Variants in UBE2N observed in about 807,000 individuals in gnomAD.
The protein encoded by UBE2N is ubiquitin-conjugating enzyme E2 N.
For synonymous variants in UBE2N, 70 were observed against 69.2 expected (o/e 1.01, Z -0.06); for missense variants, 60 against 192.1 (o/e 0.31, Z 4.07).
At chr12:93,420,624 C>T (rs1009866192) in intron 1 of UBE2N, among the ~76,000 whole-genome samples, 1 of 152,042 alleles carries the variant, frequency 6.6e-6, no homozygotes, top group Non-Finnish European at 1.5e-5. Context: ...GCTTGGTGAA[C>T]GAACATCTGC....
chr12:93,441,517 G>A (rs1315133331), intron 1 of UBE2N, among the ~76,000 whole-genome samples: 1 of 151,584 alleles, frequency 6.6e-6, no homozygotes, highest in East Asian at 1.9e-4. Context: ...GCGGGGGGGT[G>A]GTCTCAGAAG....
chr12:93,418,714 A>T (rs1187472346), intron 1 of UBE2N, among the ~76,000 whole-genome samples: 3 of 152,140 alleles, frequency 2.0e-5, no homozygotes, highest in Non-Finnish European at 4.4e-5. Context: ...GTATTTAAAA[A>T]TTTTCTAGTA....
At position 93,418,396 on chromosome 12, in the gene UBE2N, T is replaced by C. The variant is rs546543826; in HGVS notation, c.31-7097A>G. Among the ~76,000 whole-genome samples the C allele has an allele frequency of 3.9e-5, 6 of 152,130 alleles. No individual in the cohort carries two copies. In the East Asian group the frequency reaches 1.2e-3, roughly 29 times the overall value. On this transcript the variant is annotated intron_variant, in intron 1 of 3. Coordinates refer to ENST00000318066, the MANE Select transcript of UBE2N (RefSeq NM_003348.4). ...AAACAAAACAAAACAAAAAGTTAAT[T>C]ATCATCAATGGACATTTTCAAGTGC...
At chr12:93,410,924 A>G in intron 2 of UBE2N, 50 bp from the exon 3 acceptor site, 1 of 1,614,082 alleles carries the variant, frequency 6.2e-7, no homozygotes, top group Non-Finnish European at 8.5e-7. Flanking sequence ...AAACAGGCCC[A>G]GAACTGCTTC....
chr12:93,410,466 TA>T, intron 3 of UBE2N: 1 of 558,244 alleles, frequency 1.8e-6, no homozygotes, highest in Non-Finnish European at 3.1e-6. Context: ...TCTTTACATA[TA>T]ACTAGATAAA....
At chr12:93,440,481 G>A (rs1425386464) in intron 1 of UBE2N, among the ~76,000 whole-genome samples, 1 of 152,134 alleles carries the variant, frequency 6.6e-6, no homozygotes, top group African/African-American at 2.4e-5. Flanking sequence ...CTCTACATCA[G>A]CACCCTTAGG....
At chr12:93,413,026 C>T (rs905601782) in intron 1 of UBE2N, among the ~76,000 whole-genome samples, 1 of 152,170 alleles carries the variant, frequency 6.6e-6, no homozygotes, top group South Asian at 2.1e-4. Context: ...GAAGAGGAAC[C>T]TCTACTTTGC....
At chr12:93,428,316 G>A (rs1419477068) in intron 1 of UBE2N, among the ~76,000 whole-genome samples, 1 of 152,168 alleles carries the variant, frequency 6.6e-6, no homozygotes, top group Non-Finnish European at 1.5e-5. Flanking sequence ...AAGTATCTGT[G>A]ATCCAAGCAT....
At position 93,406,467 on chromosome 12, in the gene UBE2N, T is replaced by A. The variant is rs775876619; in HGVS notation, c.*3572A>T. 7.2e-5 allele frequency: 11 copies of A among 152,058 alleles called. No homozygotes were observed. Among genetic ancestry groups the A allele is most frequent in the Non-Finnish European group, 1.5e-4 (10 of 68,012 alleles). The allele number at this position is 152,058 out of a possible 1,614,324, so 9.4% of individuals were successfully genotyped here. ...AGCACCTGTGACTTTTATCTGTTGG[T>A]TTGTATTTAATCTTATTTTTAAGTG... On this transcript the variant is annotated 3_prime_UTR_variant, in exon 4 of 4. Coordinates refer to ENST00000318066, the MANE Select transcript of UBE2N (RefSeq NM_003348.4).
chr12:93,409,942 T>C lies in UBE2N; in HGVS notation c.*97A>G. 7.9e-7 allele frequency: 1 copy of C among 1,264,268 alleles called. No individual in the cohort carries two copies. The highest frequency in any genetic ancestry group is 1.1e-6 in the Non-Finnish European group (1 of 885,654). 78.3% of individuals were successfully genotyped at this position (1,264,268 alleles called of 1,614,324 possible). On this transcript the variant is annotated 3_prime_UTR_variant, in exon 4 of 4. Transcript: ENST00000318066. ...TGAAGATGTCTGGGCTTTTTTATTC[T>C]GTAATGTTTCTAAGACTGTGTCCAT...
chr12:93,433,000 C>T (rs549132357), intron 1 of UBE2N, among the ~76,000 whole-genome samples: 5 of 142,606 alleles, frequency 3.5e-5, no homozygotes, highest in East Asian at 2.1e-4. Context: ...GGGTGATCTC[C>T]GCTCACTGCA....
rs534403568 is a variant in UBE2N, at chr12:93,441,804, C to A, written c.30+51G>T. On this transcript the variant is annotated intron_variant, in intron 1 of 3. Coordinates refer to ENST00000318066, the MANE Select transcript of UBE2N (RefSeq NM_003348.4). Reference sequence around the variant, plus strand: ...GCGAGAGGCCGCGCTGCCTGCCCAGCTGAGCCGACGAGAGCAGAGCGAAGA... The same window carrying A: ...GCGAGAGGCCGCGCTGCCTGCCCAGATGAGCCGACGAGAGCAGAGCGAAGA... The A allele has an allele frequency of 2.5e-4, 386 of 1,572,650 alleles. 1 individual carries two copies. In the South Asian group the frequency reaches 3.8e-3, roughly 15 times the overall value.
chr12:93,436,115 ATTTTGAGACAGGGTTTCACTC>A (rs1263374600), intron 1 of UBE2N, among the ~76,000 whole-genome samples: 19 of 151,920 alleles, frequency 1.3e-4, no homozygotes, highest in African/African-American at 4.6e-4. Context: ...CATTATTACT[ATTTTGAGACAGGGTTTCACTC>A]TGTCGCCCAG....
rs957767675 is a variant in UBE2N at position 93,406,735 on chromosome 12, G to A, written c.*3304C>T. ...AAGTAATCTAAATATTAACATAAGC[G>A]GGAGGATTTGTGTAGATTGTATGCA... is the stretch of plus-strand genomic sequence containing the variant. On this transcript the variant is annotated 3_prime_UTR_variant, in exon 4 of 4. Coordinates refer to ENST00000318066, the MANE Select transcript of UBE2N (RefSeq NM_003348.4). 3.3e-5 allele frequency: 5 copies of A among 152,102 alleles called. No homozygotes were observed. The highest frequency in any genetic ancestry group is 7.3e-5 in the Non-Finnish European group (5 of 68,032). 9.4% of individuals were successfully genotyped at this position (152,102 alleles called of 1,614,324 possible). A position where few individuals can be genotyped will look rare whatever the true frequency, so the allele number is the denominator to read the frequency against.
At chr12:93,424,030 A>T (rs1878497900) in intron 1 of UBE2N, among the ~76,000 whole-genome samples, 1 of 152,176 alleles carries the variant, frequency 6.6e-6, no homozygotes, top group Admixed American at 6.5e-5. Flanking sequence ...TAATAACCAA[A>T]ATCCAATTAA....
At chr12:93,411,580 C>T (rs1421393662) in intron 1 of UBE2N, among the ~76,000 whole-genome samples, 1 of 152,134 alleles carries the variant, frequency 6.6e-6, no homozygotes, top group East Asian at 1.9e-4. Flanking sequence ...TGATTTTTTA[C>T]TCAAGTAAAA....
At chr12:93,437,735 G>C (rs932067640) in intron 1 of UBE2N, among the ~76,000 whole-genome samples, 2 of 152,148 alleles carry the variant, frequency 1.3e-5, no homozygotes, top group Non-Finnish European at 2.9e-5. Context: ...TTTGCAGTGA[G>C]CCAAAATTGC....
intron 1 of UBE2N, among the ~76,000 whole-genome samples, chr12:93,416,160 C>A (rs1371422148): frequency 1.3e-5 from 2 of 152,084 alleles, no homozygotes; most frequent in Non-Finnish European, 2.9e-5. Context: ...CCTAACAAAC[C>A]CACAGCATAA....
rs187558193 is a variant in UBE2N at position 93,425,152 on chromosome 12, A to G, written c.31-13853T>C. On this transcript the variant is annotated intron_variant, in intron 1 of 3. Transcript: ENST00000318066. ...ACCATAGAGCTAGATTAGTATATTA[A>G]GCAGATAAAGAAGCAGAGAGGTCAA... Among the ~76,000 whole-genome samples, 328 of 152,330 alleles carry G rather than the reference A, an allele frequency of 2.2e-3. 1 individual carries two copies. Among genetic ancestry groups the G allele is most frequent in the Non-Finnish European group, 2.5e-3 (168 of 68,036 alleles).
Sources: gnomAD v4.1 joint callset for allele counts (sites outside exome capture counted in the v4.1 genomes callset) on GRCh38, gnomAD v4.1.1 for gene constraint, MANE v1.5 for transcripts, NCBI Gene and HGNC (gene_info 2026-07-23, HGNC 2026-07-21) for gene names.